Variants in CCDC170 observed in about 807,000 individuals in gnomAD.
CCDC170 encodes the protein coiled-coil domain-containing protein 170.
CCDC170 carries 69 observed loss-of-function variants against 72.6 expected under a neutral mutation model. The observed-to-expected ratio is 0.95, with a 90% CI of 0.78 to 1.16. CCDC170 has a LOEUF of 1.16. CCDC170 is among the 50% of genes most tolerant of loss of function. The pLI, the probability that CCDC170 is intolerant of heterozygous loss-of-function variation, is 0.00. For synonymous variants in CCDC170, 300 were observed against 303.9 expected (o/e 0.99, Z 0.13); for missense variants, 852 against 832.5 (o/e 1.02, Z -0.29).
intron 1 of CCDC170, among the ~76,000 whole-genome samples, chr6:151,506,814 G>A (rs1583001395): frequency 6.6e-6 from 1 of 152,182 alleles, no homozygotes; most frequent in East Asian, 1.9e-4. Flanking sequence ...CCTCATCCAA[G>A]CCATTGAAGG....
Position 151,494,190 on chromosome 6 carries a change from G to T in CCDC170, c.57+5G>T. 6.6e-7 allele frequency: 1 copy of T among 1,506,266 alleles called. No homozygotes were observed. The highest frequency in any genetic ancestry group is 2.7e-5 in the East Asian group (1 of 36,446). 93.3% of individuals were successfully genotyped at this position (1,506,266 alleles called of 1,614,324 possible). A position where few individuals can be genotyped will look rare whatever the true frequency, so the allele number is the denominator to read the frequency against. On this transcript the variant is annotated splice_donor_5th_base_variant and intron_variant, in intron 1 of 10. Coordinates refer to ENST00000239374, the MANE Select transcript of CCDC170 (RefSeq NM_025059.4). ...GCCGCTTCGCCAGCGCCCGAGGTAC[G>T]GTCCCAGCCGCCGGCCGCGCGCGGG... is the stretch of plus-strand genomic sequence containing the variant.
At chr6:151,543,976 C>T (rs1247031493) in intron 3 of CCDC170, among the ~76,000 whole-genome samples, 1 of 152,070 alleles carries the variant, frequency 6.6e-6, no homozygotes, top group Non-Finnish European at 1.5e-5. Flanking sequence ...TCCTTTCTTC[C>T]AATACACTTT....
chr6:151,613,505 T>G (rs1776908443), intron 9 of CCDC170, among the ~76,000 whole-genome samples: 1 of 152,222 alleles, frequency 6.6e-6, no homozygotes, highest in African/African-American at 2.4e-5. Context: ...AGAGAAACCC[T>G]GTACCCATAA....
intron 3 of CCDC170, among the ~76,000 whole-genome samples, chr6:151,540,372 G>GTTT (rs1782668488): frequency 5.4e-5 from 2 of 36,926 alleles, no homozygotes; most frequent in Non-Finnish European, 6.2e-5. Flanking sequence ...TTCTGCTGCT[G>GTTT]CTTTTTTTTT....
At chr6:151,531,050 C>A (rs552056035) in intron 1 of CCDC170, among the ~76,000 whole-genome samples, 2 of 152,248 alleles carry the variant, frequency 1.3e-5, no homozygotes, top group Non-Finnish European at 2.9e-5. Flanking sequence ...CATCTGTGCA[C>A]TTTTTCTTGA....
At chr6:151,592,881 A>G (rs1297827729) in intron 7 of CCDC170, 1 of 571,894 alleles carries the variant, frequency 1.7e-6, no homozygotes, top group South Asian at 2.3e-5. Flanking sequence ...GAACATGAAC[A>G]TCAAGGGCTA....
intron 5 of CCDC170, among the ~76,000 whole-genome samples, chr6:151,569,984 A>C (rs985586696): frequency 1.8e-4 from 28 of 152,348 alleles, no homozygotes; most frequent in African/African-American, 5.8e-4. Flanking sequence ...ACTAGACATA[A>C]ATGTTGATGC....
At chr6:151,501,423 G>A (rs375894692) in intron 1 of CCDC170, among the ~76,000 whole-genome samples, 10 of 152,160 alleles carry the variant, frequency 6.6e-5, no homozygotes, top group South Asian at 2.1e-4. Context: ...TGTATAAGTC[G>A]TTATTATTAG....
intron 9 of CCDC170, among the ~76,000 whole-genome samples, chr6:151,613,692 A>G (rs1204776820): frequency 6.6e-6 from 1 of 152,190 alleles, no homozygotes; most frequent in Non-Finnish European, 1.5e-5. Flanking sequence ...TTACTGCTGA[A>G]TGATATTCCA....
chr6:151,618,233 C>A lies in CCDC170; in HGVS notation c.*86C>A. ...ATTCCTCATGTCTTTGAGATTTGAT[C>A]AGTTTGTGAATATTTTATGCTTTGA... is the stretch of plus-strand genomic sequence containing the variant. On this transcript the variant is annotated 3_prime_UTR_variant, in exon 11 of 11. Transcript: ENST00000239374. 1.7e-6 allele frequency: 2 copies of A among 1,202,120 alleles called. No individual in the cohort carries two copies. Among genetic ancestry groups the A allele is most frequent in the East Asian group, 2.4e-5 (1 of 42,278 alleles). 74.5% of individuals were successfully genotyped at this position (1,202,120 alleles called of 1,614,324 possible).
At chr6:151,545,769 A>G (rs540090839) in intron 4 of CCDC170, among the ~76,000 whole-genome samples, 155 of 152,084 alleles carry the variant, frequency 1.0e-3, no homozygotes, top group Non-Finnish European at 1.7e-3. Context: ...TAAGTAATTG[A>G]GACTACAGGC....
At chr6:151,538,871 G>C (rs1782634463) in intron 3 of CCDC170, among the ~76,000 whole-genome samples, 1 of 151,828 alleles carries the variant, frequency 6.6e-6, no homozygotes, top group Admixed American at 6.6e-5. Flanking sequence ...CAAAATACAT[G>C]GTATTTATTT....
At chr6:151,526,716 T>C (rs1782416525) in intron 1 of CCDC170, among the ~76,000 whole-genome samples, 1 of 151,780 alleles carries the variant, frequency 6.6e-6, no homozygotes, top group Non-Finnish European at 1.5e-5. Context: ...TAATTCCCAT[T>C]TTAGGCCTTA....
intron 5 of CCDC170, among the ~76,000 whole-genome samples, chr6:151,552,689 A>G (rs376654207): frequency 1.8e-4 from 28 of 151,790 alleles, no homozygotes; most frequent in African/African-American, 6.3e-4. Flanking sequence ...TAGTCTCTCA[A>G]GTCTTCCTCG....
intron 5 of CCDC170, among the ~76,000 whole-genome samples, chr6:151,557,751 T>C (rs1359250021): frequency 2.0e-5 from 3 of 152,242 alleles, no homozygotes; most frequent in African/African-American, 7.2e-5. Flanking sequence ...CCATTCTAAC[T>C]GGGGTTAGAT....
intron 8 of CCDC170, 31 bp downstream of exon 8, chr6:151,593,311 G>A: frequency 6.3e-7 from 1 of 1,594,844 alleles, no homozygotes; most frequent in Non-Finnish European, 8.6e-7. Flanking sequence ...CTAGTATTGA[G>A]AGAAGAAATT....
intron 1 of CCDC170, among the ~76,000 whole-genome samples, chr6:151,498,279 C>T (rs1487741248): frequency 9.2e-6 from 1 of 108,290 alleles, no homozygotes; most frequent in Admixed American, 8.7e-5. Flanking sequence ...TAGCAACACA[C>T]TCTATCAGCA....
intron 9 of CCDC170, among the ~76,000 whole-genome samples, chr6:151,611,611 A>G (rs191577455): frequency 3.9e-4 from 58 of 149,914 alleles, no homozygotes; most frequent in Non-Finnish European, 6.6e-4. Context: ...GGAGGTTAGA[A>G]TTTCAACATA....
intron 3 of CCDC170, among the ~76,000 whole-genome samples, chr6:151,544,194 T>C: frequency 6.6e-6 from 1 of 152,186 alleles, no homozygotes; most frequent in Admixed American, 6.5e-5. Flanking sequence ...GGTAGCACTC[T>C]CCTTCCCCAT....
Sources: gnomAD v4.1 joint callset for allele counts (sites outside exome capture counted in the v4.1 genomes callset) on GRCh38, gnomAD v4.1.1 for gene constraint, MANE v1.5 for transcripts, NCBI Gene and HGNC (gene_info 2026-07-23, HGNC 2026-07-21) for gene names.